The following MLLT10 variants were observed in gnomAD, a reference collection of about 807,000 sequenced individuals.
MLLT10 encodes the protein MLLT10 histone lysine methyltransferase DOT1L cofactor, also known as protein AF-10.
MLLT10 carries 30 observed loss-of-function variants against 129.1 expected under a neutral mutation model. The ratio of observed to expected loss-of-function variants is 0.23; its 90% CI spans 0.17 to 0.32. MLLT10 has a LOEUF of 0.32. MLLT10 is among the 10% of genes least tolerant of loss of function. The pLI is 1.00. For synonymous variants in MLLT10, 490 were observed against 446.4 expected, an observed-to-expected ratio of 1.10 and a Z score of -1.23; for missense variants, 1,119 against 1,268.3, an observed-to-expected ratio of 0.88 and a Z score of 1.79.
intron 22 of MLLT10, among the ~76,000 whole-genome samples, chr10:21,741,350 A>G (rs1214359759): frequency 1.3e-5 from 2 of 152,238 alleles, no homozygotes; most frequent in African/African-American, 2.4e-5. Flanking sequence ...AGGTTATACA[A>G]TATGAAATGT....
chr10:21,692,219 T>G (rs2053926967), intron 13 of MLLT10, among the ~76,000 whole-genome samples: 1 of 151,646 alleles, frequency 6.6e-6, no homozygotes, highest in South Asian at 2.1e-4. Context: ...TGACTTCCAT[T>G]CTAAGGAAAT....
At chr10:21,542,466 A>G (rs1189059804) in intron 3 of MLLT10, among the ~76,000 whole-genome samples, 3 of 152,224 alleles carry the variant, frequency 2.0e-5, no homozygotes, top group Non-Finnish European at 4.4e-5. Flanking sequence ...GCTACTCGGG[A>G]GACTGAAGCA....
At chr10:21,710,001 C>G (rs1462117665) in intron 13 of MLLT10, among the ~76,000 whole-genome samples, 1 of 152,190 alleles carries the variant, frequency 6.6e-6, no homozygotes, top group African/African-American at 2.4e-5. Context: ...CTTGGCCTCC[C>G]AAAGTGCTGG....
In MLLT10 at chr10:21,742,940, G is replaced by A. The variant is rs1432457605; in HGVS notation, c.*957G>A. The stretch of plus-strand genomic sequence containing the variant: ...TAGCTCAGGCAAAACTATTACCTGG[G>A]TATTTATCCACTAATGAGTCACAAG... On this transcript the variant is annotated 3_prime_UTR_variant, in exon 23 of 23. Coordinates refer to ENST00000307729, the MANE Select transcript of MLLT10 (RefSeq NM_001195626.3). The A allele has an allele frequency of 1.3e-5, 3 of 228,686 alleles. No homozygotes were observed. Among genetic ancestry groups the A allele is most frequent in the Non-Finnish European group, 2.6e-5 (3 of 115,364 alleles). 14.2% of individuals were successfully genotyped at this position (228,686 alleles called of 1,614,324 possible).
intron 17 of MLLT10, among the ~76,000 whole-genome samples, chr10:21,731,745 G>C (rs2131575486): frequency 6.6e-6 from 1 of 152,226 alleles, no homozygotes; most frequent in East Asian, 1.9e-4. Context: ...TCAAGTATTA[G>C]GGCCGTGGGT....
intron 5 of MLLT10, among the ~76,000 whole-genome samples, chr10:21,606,128 TAATA>T (rs2044038102): frequency 6.6e-6 from 1 of 152,186 alleles, no homozygotes; most frequent in African/African-American, 2.4e-5. Flanking sequence ...GAGGTGAAGT[TAATA>T]AATGTTGTAT....
chr10:21,594,964 A>G (rs2042905208), intron 4 of MLLT10, among the ~76,000 whole-genome samples: 1 of 152,228 alleles, frequency 6.6e-6, no homozygotes, highest in Non-Finnish European at 1.5e-5. Flanking sequence ...AATGATTAAG[A>G]TAATTAAATT....
chr10:21,571,632 A>G (rs538732906), intron 3 of MLLT10, among the ~76,000 whole-genome samples: 4 of 152,242 alleles, frequency 2.6e-5, no homozygotes, highest in Admixed American at 2.6e-4. Flanking sequence ...GGTCCCCTTT[A>G]TTCACTCCAT....
intron 2 of MLLT10, among the ~76,000 whole-genome samples, chr10:21,537,794 C>A (rs1193137865): frequency 6.6e-6 from 1 of 152,086 alleles, no homozygotes; most frequent in East Asian, 1.9e-4. Context: ...TAAATGCTTT[C>A]CAATATTTAA....
chr10:21,741,929 T>G lies in MLLT10; in HGVS notation c.3163-10T>G, dbSNP rs1332981914. 3 of 1,610,042 alleles carry G rather than the reference T, an allele frequency of 1.9e-6. No homozygotes were observed. The Admixed American group carries it at 5.0e-5, about 27-fold the overall frequency. ...TTAGCTAACGCATCTGCTCTTTTGT[T>G]TACCTGCAGAGACTTAGTGATAAAA... On this transcript the variant is annotated splice_polypyrimidine_tract_variant and intron_variant, in intron 22 of 22. Transcript: ENST00000307729.
chr10:21,656,766 T>C (rs1231590910), intron 9 of MLLT10, among the ~76,000 whole-genome samples: 1 of 152,184 alleles, frequency 6.6e-6, no homozygotes, highest in East Asian at 1.9e-4. Flanking sequence ...GTAACGATGG[T>C]AGTGGACCAC....
At chr10:21,730,122 C>T (rs1321557145) in intron 16 of MLLT10, among the ~76,000 whole-genome samples, 5 of 151,658 alleles carry the variant, frequency 3.3e-5, no homozygotes, top group East Asian at 3.9e-4. Flanking sequence ...CCTCCCCCAC[C>T]GCCGCCTCCC....
chr10:21,625,282 A>G (rs1484693208), intron 8 of MLLT10: 1 of 938,726 alleles, frequency 1.1e-6, no homozygotes, highest in East Asian at 2.4e-5. Context: ...TTTCTTTGCC[A>G]TTCATTTCAT....
At chr10:21,610,739 A>G (rs1323005153) in intron 5 of MLLT10, among the ~76,000 whole-genome samples, 1 of 151,226 alleles carries the variant, frequency 6.6e-6, no homozygotes, top group Non-Finnish European at 1.5e-5. Context: ...CCTCTTTTGC[A>G]TATTTTCCCC....
chr10:21,566,212 C>T (rs1001411698), intron 3 of MLLT10, among the ~76,000 whole-genome samples: 2 of 151,708 alleles, frequency 1.3e-5, no homozygotes, highest in African/African-American at 4.8e-5. Flanking sequence ...TCCTAGGCCT[C>T]CCAAAGTGCT....
chr10:21,634,588 A>G (rs1361128628), intron 8 of MLLT10, among the ~76,000 whole-genome samples: 1 of 152,210 alleles, frequency 6.6e-6, no homozygotes, highest in African/African-American at 2.4e-5. Flanking sequence ...TGTGTTTAAT[A>G]TATCCATTGA....
chr10:21,605,943 A>T (rs1194787438), intron 5 of MLLT10, among the ~76,000 whole-genome samples: 3 of 151,814 alleles, frequency 2.0e-5, no homozygotes, highest in Non-Finnish European at 4.4e-5. Flanking sequence ...TTTTTACCGA[A>T]TTGAAGTTTT....
At chr10:21,540,711 T>C (rs1489996983) in intron 3 of MLLT10, among the ~76,000 whole-genome samples, 1 of 152,242 alleles carries the variant, frequency 6.6e-6, no homozygotes, top group Non-Finnish European at 1.5e-5. Context: ...TATTGATTTA[T>C]TATTTATTCC....
chr10:21,627,423 C>G (rs1307804177), intron 8 of MLLT10, among the ~76,000 whole-genome samples: 1 of 151,746 alleles, frequency 6.6e-6, no homozygotes, highest in Non-Finnish European at 1.5e-5. Context: ...CCACTGATGT[C>G]ATCTACACCA....
Sources: allele counts gnomAD v4.1 joint callset (sites outside exome capture counted in the v4.1 genomes callset), GRCh38; gene constraint gnomAD v4.1.1; transcripts MANE v1.5; gene names NCBI Gene and HGNC (gene_info 2026-07-23, HGNC 2026-07-21).